TAF2: variants seen among roughly 807,000 people sequenced by gnomAD.
TAF2 encodes TATA-box binding protein associated factor 2.
Under a neutral mutation model 138.5 loss-of-function variants are expected in TAF2, and 61 were observed. The ratio of observed to expected loss-of-function variants is 0.44; its 90% CI spans 0.36 to 0.54. The LOEUF (loss-of-function observed/expected upper bound fraction) is 0.54. TAF2 is among the 20% of genes least tolerant of loss of function. The probability of loss-of-function intolerance (pLI) is 0.00; values close to 1 mark genes in which losing one functional copy is unlikely to be tolerated. For missense variants in TAF2, 1,090 were observed against 1,427.9 expected (o/e 0.76, Z 3.81); for synonymous variants, 475 against 469.9 (o/e 1.01, Z -0.14).
At position 119,764,536 on chromosome 8, in the gene TAF2, T is replaced by A. The variant is rs16893123; in HGVS notation, c.2365-1928A>T. On this transcript the variant is annotated intron_variant, in intron 18 of 25. Transcript: ENST00000378164. ...AAGTAACATGGTAATACTAAAAACA[T>A]TACCACACAAATGGGTAGCAGGGCC... 3.5e-3 allele frequency among the ~76,000 whole-genome samples: 537 copies of A among 152,278 alleles called. 4 individuals are homozygous for A. Among genetic ancestry groups the A allele is most frequent in the African/African-American group, 0.012 (506 of 41,570 alleles).
chr8:119,799,419 T>A lies in TAF2; in HGVS notation c.793-1573A>T, dbSNP rs180806325. Among the ~76,000 whole-genome samples the A allele has an allele frequency of 1.0e-3, 152 of 152,192 alleles. 2 individuals carry two copies. In the East Asian group the frequency reaches 0.027, roughly 27 times the overall value. ...AGAACATGTGGTGTTTGGTTTTTTG[T>A]CCTTGCGAGTTTGCTGAGAATAATG... On this transcript the variant is annotated intron_variant, in intron 6 of 25. Coordinates refer to ENST00000378164, the MANE Select transcript of TAF2 (RefSeq NM_003184.4).
intron 19 of TAF2, chr8:119,761,463 G>C (rs1035726797): frequency 6.6e-6 from 1 of 152,036 alleles, no homozygotes; most frequent in Non-Finnish European, 1.5e-5. Context: ...ATAAATTTTT[G>C]CAATGATAAA....
chr8:119,753,423 C>T (rs900271657), intron 22 of TAF2, among the ~76,000 whole-genome samples: 3 of 152,134 alleles, frequency 2.0e-5, no homozygotes, highest in African/African-American at 4.8e-5. Context: ...AGTCCATCTT[C>T]GGTATCTATT....
chr8:119,806,213 A>C (rs1305953392), intron 4 of TAF2, 70 bp downstream of exon 4: 9 of 1,290,568 alleles, frequency 7.0e-6, no homozygotes, highest in Non-Finnish European at 1.0e-5. Flanking sequence ...ATTAGTTCTC[A>C]TGTAAAATTC....
intron 22 of TAF2, among the ~76,000 whole-genome samples, chr8:119,751,312 C>T (rs971106476): frequency 2.0e-5 from 3 of 152,144 alleles, no homozygotes; most frequent in African/African-American, 7.2e-5. Context: ...CCTCATTGCC[C>T]AGAGCATAAA....
chr8:119,732,472 T>C (rs1371628796), intron 25 of TAF2, among the ~76,000 whole-genome samples: 1 of 152,130 alleles, frequency 6.6e-6, no homozygotes, highest in East Asian at 1.9e-4. Context: ...TTCTAAGTAT[T>C]ATGAAAAAAC....
intron 17 of TAF2, among the ~76,000 whole-genome samples, chr8:119,779,281 CTT>C (rs1320013110): frequency 4.6e-5 from 7 of 150,724 alleles, no homozygotes; most frequent in Non-Finnish European, 8.9e-5. Flanking sequence ...CACACACACA[CTT>C]CAGATGCAAC....
chr8:119,764,032 CCA>C (rs1359945943), intron 18 of TAF2, among the ~76,000 whole-genome samples: 2 of 133,518 alleles, frequency 1.5e-5, no homozygotes, highest in African/African-American at 5.8e-5. Context: ...GCCTATAATC[CCA>C]GTTACTTGGG....
chr8:119,795,665 A>G (rs1823773585), intron 8 of TAF2, 34 bp from the exon 9 acceptor site: 2 of 1,580,466 alleles, frequency 1.3e-6, no homozygotes, highest in Non-Finnish European at 1.7e-6. Context: ...ATTACTTTTA[A>G]TCATAAAAAC....
rs529085935 is a variant in TAF2 at position 119,769,480 on chromosome 8, T to C, written c.2365-6872A>G. Among the ~76,000 whole-genome samples, 35 of 152,160 alleles carry C rather than the reference T, an allele frequency of 2.3e-4. 1 individual carries two copies. In the South Asian group the frequency reaches 5.6e-3, roughly 24 times the overall value. On this transcript the variant is annotated intron_variant, in intron 18 of 25. Coordinates refer to ENST00000378164, the MANE Select transcript of TAF2 (RefSeq NM_003184.4). ...TTCATTTCATCCTAAATGAAAACTT[T>C]GAAATGATGGATGAAGAATTCAAAA...
At chr8:119,813,889 A>G (rs2131241442) in intron 3 of TAF2, among the ~76,000 whole-genome samples, 1 of 152,312 alleles carries the variant, frequency 6.6e-6, no homozygotes, top group South Asian at 2.1e-4. Context: ...ACCAAGGCAG[A>G]AGGACCACTT....
chr8:119,755,065 C>G (rs1209184104), intron 22 of TAF2, among the ~76,000 whole-genome samples: 1 of 152,190 alleles, frequency 6.6e-6, no homozygotes, highest in African/African-American at 2.4e-5. Context: ...ATCATTATCA[C>G]CTACATTTTA....
chr8:119,758,186 T>A (rs1473809601), intron 20 of TAF2, 44 bp from the exon 21 acceptor site: 1 of 1,464,956 alleles, frequency 6.8e-7, no homozygotes, highest in South Asian at 1.1e-5. Flanking sequence ...TATAACAAAT[T>A]AAATAATGAA....
intron 18 of TAF2, chr8:119,762,974 T>C (rs1186498901): frequency 1.1e-5 from 2 of 185,240 alleles, no homozygotes; most frequent in Admixed American, 5.5e-5. Flanking sequence ...AAGCAATTTA[T>C]TGAAAGGTGA....
chr8:119,743,407 T>C (rs976221624), intron 24 of TAF2, among the ~76,000 whole-genome samples: 39 of 151,150 alleles, frequency 2.6e-4, no homozygotes, highest in Admixed American at 5.3e-4. Flanking sequence ...TAGTTACTTG[T>C]AGTGGAAAGG....
In TAF2 at chr8:119,797,447, C is replaced by T. The variant is rs903387821; in HGVS notation, c.977+215G>A. 2.1e-5 allele frequency among the ~76,000 whole-genome samples: 3 copies of T among 144,102 alleles called. No homozygotes were observed. The East Asian group carries it at 5.8e-4, about 28-fold the overall frequency. The allele number at this position is 144,102 out of a possible 152,430, so 94.5% of individuals were successfully genotyped here. Reference sequence around the variant, plus strand: ...GGGAAAATACTAATATTAGTTAATTCTGGATGAAGATGAGCCTTTTGAGTT... The same window carrying T: ...GGGAAAATACTAATATTAGTTAATTTTGGATGAAGATGAGCCTTTTGAGTT... On this transcript the variant is annotated intron_variant, in intron 7 of 25. Coordinates refer to ENST00000378164, the MANE Select transcript of TAF2 (RefSeq NM_003184.4).
chr8:119,783,303 A>T (rs1822799172), intron 16 of TAF2, 78 bp downstream of exon 16: 4 of 1,528,812 alleles, frequency 2.6e-6, no homozygotes, highest in Admixed American at 1.9e-5. Context: ...TTTAAAGACT[A>T]GGTGAATTTT....
intron 5 of TAF2, among the ~76,000 whole-genome samples, chr8:119,802,937 C>T (rs940538177): frequency 6.6e-6 from 1 of 151,886 alleles, no homozygotes; most frequent in African/African-American, 2.4e-5. Context: ...TATGACGAAA[C>T]CTGATCTCTA....
At position 119,802,037 on chromosome 8, in the gene TAF2, A is replaced by G; in HGVS notation, c.561-12T>C. On this transcript the variant is annotated splice_polypyrimidine_tract_variant and intron_variant, in intron 5 of 25. Coordinates refer to ENST00000378164, the MANE Select transcript of TAF2 (RefSeq NM_003184.4). The stretch of plus-strand genomic sequence containing the variant: ...AAGGGAACCAAAATCTAGAAAAAAG[A>G]TTGACAGTATAGAAAATGTATTCAA... 6.3e-7 allele frequency: 1 copy of G among 1,596,670 alleles called. No individual in the cohort carries two copies. Among genetic ancestry groups the G allele is most frequent in the African/African-American group, 1.3e-5 (1 of 74,572 alleles).
Sources: gnomAD v4.1 joint callset for allele counts (sites outside exome capture counted in the v4.1 genomes callset) on GRCh38, gnomAD v4.1.1 for gene constraint, MANE v1.5 for transcripts, NCBI Gene and HGNC (gene_info 2026-07-23, HGNC 2026-07-21) for gene names.